The following COL18A1 variants were observed in gnomAD, a reference collection of about 807,000 sequenced individuals.
The protein encoded by COL18A1 is collagen alpha-1(XVIII) chain.
In COL18A1, 133 loss-of-function variants were observed where a neutral mutation model predicts 168.0. The observed-to-expected ratio is 0.79, with a 90% confidence interval of 0.69 to 0.91. The LOEUF (loss-of-function observed/expected upper bound fraction) is 0.91. Ranked by LOEUF, COL18A1 falls within the 40% of genes least tolerant of loss-of-function variation. COL18A1 has a pLI of 0.00. For synonymous variants in COL18A1, 949 were observed against 809.0 expected (o/e 1.17, Z -2.94); for missense variants, 2,126 against 1,925.4 (o/e 1.10, Z -1.95).
At position 45,422,397 on chromosome 21, in the gene COL18A1, C is replaced by T. The variant is rs536992230; in HGVS notation, c.106+16924C>T. On this transcript the variant is annotated intron_variant, in intron 2 of 41. Coordinates refer to ENST00000651438, the MANE Select transcript of COL18A1 (RefSeq NM_001379500.1). Reference sequence around the variant, plus strand: ...GCGATGGCGGGGCCTCGCCTGTGGGCACTGAGGGTCTCACCTCTTCCTGCA... The same window carrying T: ...GCGATGGCGGGGCCTCGCCTGTGGGTACTGAGGGTCTCACCTCTTCCTGCA... 28 of 507,400 alleles carry T rather than the reference C, an allele frequency of 5.5e-5. 1 individual carries two copies. The highest frequency in any genetic ancestry group is 3.6e-4 in the South Asian group (25 of 68,540). 31.4% of individuals were successfully genotyped at this position (507,400 alleles called of 1,614,324 possible). A position where few individuals can be genotyped will look rare whatever the true frequency, so the allele number is the denominator to read the frequency against.
chr21:45,472,516 G>A (rs532938031), intron 3 of COL18A1, among the ~76,000 whole-genome samples: 9 of 152,280 alleles, frequency 5.9e-5, no homozygotes, highest in East Asian at 1.9e-4. Context: ...CGGCCGAAGC[G>A]CAGTTTTCTA....
At chr21:45,487,639 G>T (rs372580092) in intron 17 of COL18A1, 130 bp downstream of exon 17, 3 of 1,204,330 alleles carry the variant, frequency 2.5e-6, no homozygotes, top group African/African-American at 3.0e-5. Context: ...TGAGGACCAC[G>T]TGTGGCGGGC....
chr21:45,505,553 C>CG (rs1602618254), intron 36 of COL18A1, 122 bp downstream of exon 36: 1 of 705,050 alleles, frequency 1.4e-6, no homozygotes, highest in East Asian at 2.7e-5. Context: ...GGCCAAGATG[C>CG]GGTTTCCAGG....
rs762978405 is a variant in COL18A1 at position 45,498,257 on chromosome 21, A to C, written c.2683+596A>C. 1 of 705,478 alleles carries C rather than the reference A, an allele frequency of 1.4e-6. No homozygotes were observed. Among genetic ancestry groups the C allele is most frequent in the South Asian group, 1.5e-5 (1 of 67,554 alleles). The allele number at this position is 705,478 out of a possible 1,614,324, so 43.7% of individuals were successfully genotyped here. A position where few individuals can be genotyped will look rare whatever the true frequency, so the allele number is the denominator to read the frequency against. ...CTGGGGGCTGGCAGAGCAGAAGCCC[A>C]GAGAGCCAGGCTAGCCTCGGGCGCC... On this transcript the variant is annotated intron_variant, in intron 32 of 41. Coordinates refer to ENST00000651438, the MANE Select transcript of COL18A1 (RefSeq NM_001379500.1). The surrounding 1 kb of genome is among the most constrained non-coding windows in gnomAD (Gnocchi z 4.5).
chr21:45,449,702 C>T (rs2034579897), intron 2 of COL18A1, among the ~76,000 whole-genome samples: 1 of 152,152 alleles, frequency 6.6e-6, no homozygotes, highest in Admixed American at 6.5e-5. Flanking sequence ...AGGGGAGTGC[C>T]CTCCAGGGAC....
At chr21:45,492,401 C>T (rs984859193) in intron 22 of COL18A1, 134 bp from the exon 23 acceptor site, 2 of 1,093,614 alleles carry the variant, frequency 1.8e-6, no homozygotes, top group Non-Finnish European at 2.8e-6. Flanking sequence ...ATGCCCCAGG[C>T]CCAGGAAGAC....
At chr21:45,409,121 C>G (rs1263226449) in intron 2 of COL18A1, among the ~76,000 whole-genome samples, 1 of 151,844 alleles carries the variant, frequency 6.6e-6, no homozygotes, top group African/African-American at 2.4e-5. Context: ...AAGGGGCCAC[C>G]CCAGTGCCTG....
intron 8 of COL18A1, 91 bp downstream of exon 8, chr21:45,478,056 G>T: frequency 1.3e-6 from 1 of 790,056 alleles, no homozygotes. Flanking sequence ...ATGGGAGTGA[G>T]CTGAGCTGGG....
chr21:45,446,399 A>G (rs111311595), intron 2 of COL18A1, among the ~76,000 whole-genome samples: 324 of 152,392 alleles, frequency 2.1e-3, no homozygotes, highest in Middle Eastern at 6.8e-3. Context: ...AACAAAATAG[A>G]TGGCAGATGA....
Position 45,512,308 on chromosome 21 carries a change from G to A in COL18A1, c.3930G>A (p.Gly1310=), listed in dbSNP as rs989772737. Residue 1310 remains glycine (G), a synonymous_variant, in exon 42 of 42, where the codon GGG becomes GGA. Coordinates refer to ENST00000651438, the MANE Select transcript of COL18A1 (RefSeq NM_001379500.1). The part of the protein sequence containing the change: ...SATGQASSLL[G]GRLLGQSAAS... ...CGGGCCAGGCCTCCTCGCTGCTGGG[G>A]GGCAGGCTCCTGGGGCAGAGTGCCG... 3.7e-6 allele frequency: 6 copies of A among 1,612,374 alleles called. No individual in the cohort carries two copies. Among genetic ancestry groups the A allele is most frequent in the Non-Finnish European group, 4.2e-6 (5 of 1,179,798 alleles).
intron 2 of COL18A1, among the ~76,000 whole-genome samples, chr21:45,445,681 T>C (rs1208500931): frequency 1.3e-5 from 2 of 152,180 alleles, no homozygotes; most frequent in South Asian, 2.1e-4. Context: ...TGGTTTTCAT[T>C]TGCATTTTCA....
At position 45,505,445 on chromosome 21, in the gene COL18A1, CAGCCGGCTGGGCACCTGCGT is replaced by C. The variant is rs751277559; in HGVS notation, c.3087+15_3087+34del. 2.7e-6 allele frequency: 4 copies of C among 1,469,260 alleles called. No homozygotes were observed. The highest frequency in any genetic ancestry group is 3.8e-6 in the Non-Finnish European group (4 of 1,066,556). 91.0% of individuals were successfully genotyped at this position (1,469,260 alleles called of 1,614,324 possible). A position where few individuals can be genotyped will look rare whatever the true frequency, so the allele number is the denominator to read the frequency against. On this transcript the variant is annotated intron_variant, in intron 36 of 41. Transcript: ENST00000651438. ...GCCTCCTCAGGGGTAAGTGTCTGGGCAGCCGGCTGGGCACCTGCGTCCCGTGCCCTGGCTGGTTCTGCAGC... is the reference window on the plus strand; with the variant it reads ...GCCTCCTCAGGGGTAAGTGTCTGGGCCCCGTGCCCTGGCTGGTTCTGCAGC...
chr21:45,415,920 G>A (rs1367670356), intron 2 of COL18A1, among the ~76,000 whole-genome samples: 1 of 152,222 alleles, frequency 6.6e-6, no homozygotes, highest in Non-Finnish European at 1.5e-5. Context: ...CGGGGGCCGG[G>A]AGAGTGTGGG....
chr21:45,503,627 G>A (rs918425512), intron 32 of COL18A1, among the ~76,000 whole-genome samples: 3 of 127,762 alleles, frequency 2.3e-5, no homozygotes, highest in Admixed American at 8.8e-5. Flanking sequence ...CACACTCTGG[G>A]GACTGTTGTG....
intron 2 of COL18A1, among the ~76,000 whole-genome samples, chr21:45,461,581 G>A (rs540887610): frequency 6.6e-6 from 1 of 151,670 alleles, no homozygotes; most frequent in African/African-American, 2.4e-5. Flanking sequence ...CTGGAGCCAG[G>A]CTGCTGGGCC....
At position 45,510,574 on chromosome 21, in the gene COL18A1, A is replaced by C. The variant is rs568640464; in HGVS notation, c.3693+313A>C. 2.0e-5 allele frequency among the ~76,000 whole-genome samples: 3 copies of C among 151,856 alleles called. No individual in the cohort carries two copies. In the South Asian group the frequency reaches 6.3e-4, roughly 32 times the overall value. ...ATGCTGCTGGACCAAGTGTCCACAC[A>C]GGTGATAGGGCTCACATACAAGCCT... is the stretch of plus-strand genomic sequence containing the variant. On this transcript the variant is annotated intron_variant, in intron 40 of 41. Coordinates refer to ENST00000651438, the MANE Select transcript of COL18A1 (RefSeq NM_001379500.1).
intron 26 of COL18A1, 38 bp from the exon 27 acceptor site, chr21:45,494,507 G>A: frequency 6.2e-7 from 1 of 1,613,178 alleles, no homozygotes; most frequent in Non-Finnish European, 8.5e-7. Context: ...TGGGGCACAA[G>A]CTGCCACCTA....
chr21:45,482,003 G>C lies in COL18A1; in HGVS notation c.1652G>C (p.Arg551Thr). The C allele has an allele frequency of 6.2e-7, 1 of 1,613,624 alleles. No individual in the cohort carries two copies. The highest frequency in any genetic ancestry group is 8.5e-7 in the Non-Finnish European group (1 of 1,179,650). Reference protein sequence around the residue: ...GPPGREGPPGRTGQKGSLGEA... With the variant: ...GPPGREGPPGTTGQKGSLGEA... ...CCGGGAAGAGAGGGGCCCCCAGGAA[G>C]GACTGGGCAGAAAGGCAGCCTGGTA... is the stretch of plus-strand genomic sequence containing the variant. Residue 551 changes from arginine to threonine, a missense_variant, in exon 14 of 42, where the codon AGG (arginine) becomes ACG (threonine). Coordinates refer to ENST00000651438, the MANE Select transcript of COL18A1 (RefSeq NM_001379500.1).
At chr21:45,411,197 G>C (rs1240305453) in intron 2 of COL18A1, among the ~76,000 whole-genome samples, 1 of 152,124 alleles carries the variant, frequency 6.6e-6, no homozygotes, top group African/African-American at 2.4e-5. Flanking sequence ...TGTTATCCAG[G>C]GGCAGGACAT....
Sources: allele counts gnomAD v4.1 joint callset (sites outside exome capture counted in the v4.1 genomes callset), GRCh38; gene constraint gnomAD v4.1.1; non-coding constraint Gnocchi (gnomAD v3.1); transcripts MANE v1.5; gene names NCBI Gene and HGNC (gene_info 2026-07-23, HGNC 2026-07-21).